Variants in DNAJB6 observed in about 807,000 individuals in gnomAD.
The protein encoded by DNAJB6 is DnaJ heat shock protein family (Hsp40) member B6.
Under a neutral mutation model 42.7 loss-of-function variants are expected in DNAJB6, and 16 were observed. The observed-to-expected ratio is 0.37, with a 90% CI of 0.25 to 0.57. The LOEUF (loss-of-function observed/expected upper bound fraction) is 0.57. Ranked by LOEUF, DNAJB6 falls within the 20% of genes least tolerant of loss-of-function variation. The pLI is 0.74. For synonymous variants in DNAJB6, 170 were observed against 163.5 expected, an observed-to-expected ratio of 1.04 and a Z score of -0.30; for missense variants, 347 against 416.8, an observed-to-expected ratio of 0.83 and a Z score of 1.46.
At chr7:157,368,981 G>T (rs1183755074) in intron 5 of DNAJB6, 1 of 343,678 alleles carries the variant, frequency 2.9e-6, no homozygotes, top group African/African-American at 2.2e-5. Flanking sequence ...GTTCTTCAGT[G>T]TGTCTCAAAT....
intron 1 of DNAJB6, among the ~76,000 whole-genome samples, chr7:157,339,660 G>T (rs1295242554): frequency 3.7e-5 from 5 of 136,772 alleles, no homozygotes; most frequent in African/African-American, 8.4e-5. Context: ...ATGGAGTTTA[G>T]CTCTTGCCCC....
intron 8 of DNAJB6, among the ~76,000 whole-genome samples, chr7:157,392,786 G>GT (rs1236893252): frequency 1.3e-5 from 2 of 152,106 alleles, no homozygotes; most frequent in African/African-American, 4.8e-5. Context: ...TTAACATCCT[G>GT]TTTTACGGAC....
chr7:157,405,175 A>T (rs1020529197), intron 8 of DNAJB6, among the ~76,000 whole-genome samples: 1 of 152,186 alleles, frequency 6.6e-6, no homozygotes, highest in East Asian at 1.9e-4. Flanking sequence ...TAAGAAGGTG[A>T]TGTGGCAGGA....
intron 8 of DNAJB6, among the ~76,000 whole-genome samples, chr7:157,390,611 G>A (rs995458746): frequency 6.6e-6 from 1 of 152,144 alleles, no homozygotes; most frequent in African/African-American, 2.4e-5. Context: ...GTGGGGTGGA[G>A]CCTCCTTCCT....
chr7:157,404,237 G>A (rs1795660349), intron 8 of DNAJB6, among the ~76,000 whole-genome samples: 2 of 151,646 alleles, frequency 1.3e-5, no homozygotes, highest in Admixed American at 1.3e-4. Context: ...GCCTCCCAAA[G>A]TGCTGGGATG....
At chr7:157,415,757 G>A (rs943740408) in intron 9 of DNAJB6, among the ~76,000 whole-genome samples, 8 of 152,184 alleles carry the variant, frequency 5.3e-5, no homozygotes, top group African/African-American at 1.9e-4. Flanking sequence ...TGGGCTTTTA[G>A]CTCTGCCGCT....
rs1798243937 is a variant in DNAJB6 at position 157,339,620 on chromosome 7, TGTGTGTGTGTGTGTGTGTGTGTGTGTGA to T, written c.-27+2478_-27+2505del. ...GGCCTTTTGTGTGTGTGTGTGTGTG[TGTGTGTGTGTGTGTGTGTGTGTGTGTGA>T]GATGGAGTTTAGCTCTTGCCCCTGC... On this transcript the variant is annotated intron_variant, in intron 1 of 9. Coordinates refer to ENST00000262177, the MANE Select transcript of DNAJB6 (RefSeq NM_058246.4). Among the ~76,000 whole-genome samples the T allele has an allele frequency of 5.7e-5, 6 of 105,592 alleles. No homozygotes were observed. The South Asian group carries it at 2.0e-3, about 36-fold the overall frequency. The allele number at this position is 105,592 out of a possible 152,430, so 69.3% of individuals were successfully genotyped here.
chr7:157,339,842 G>C (rs1049442260), intron 1 of DNAJB6: 3 of 152,200 alleles, frequency 2.0e-5, no homozygotes, highest in Non-Finnish European at 4.4e-5. Context: ...GTTCAGGCTG[G>C]TCTCGAACTC....
At chr7:157,339,232 G>A (rs1354301831) in intron 1 of DNAJB6, among the ~76,000 whole-genome samples, 1 of 140,752 alleles carries the variant, frequency 7.1e-6, no homozygotes, top group Non-Finnish European at 1.5e-5. Context: ...CTTCAACCTA[G>A]ATAACCTAAA....
chr7:157,355,697 G>A (rs375317467), intron 1 of DNAJB6, among the ~76,000 whole-genome samples: 10 of 152,310 alleles, frequency 6.6e-5, no homozygotes, highest in East Asian at 3.9e-4. Context: ...CAGGAGGAGC[G>A]CAGAGGTGAG....
rs573949224 is a variant in DNAJB6, at chr7:157,392,899, T to C, written c.691+7288T>C. ...TGTGTGTGTTTTCTGTTCTAACTTATGGAAAACCAGGAAGTCGGTACGCCT... is the reference window on the plus strand; with the variant it reads ...TGTGTGTGTTTTCTGTTCTAACTTACGGAAAACCAGGAAGTCGGTACGCCT... On this transcript the variant is annotated intron_variant, in intron 8 of 9. Coordinates refer to ENST00000262177, the MANE Select transcript of DNAJB6 (RefSeq NM_058246.4). Among the ~76,000 whole-genome samples, 73 of 152,360 alleles carry C rather than the reference T, an allele frequency of 4.8e-4. 1 individual carries two copies. The highest frequency in any genetic ancestry group is 7.5e-4 in the African/African-American group (31 of 41,578).
chr7:157,340,932 C>T (rs1172552601), intron 1 of DNAJB6, among the ~76,000 whole-genome samples: 1 of 151,204 alleles, frequency 6.6e-6, no homozygotes, highest in Non-Finnish European at 1.5e-5. Context: ...TCCCAAAGTG[C>T]TGGGATTACA....
At chr7:157,389,712 G>A (rs1801248538) in intron 8 of DNAJB6, among the ~76,000 whole-genome samples, 1 of 152,168 alleles carries the variant, frequency 6.6e-6, no homozygotes, top group Non-Finnish European at 1.5e-5. Context: ...TGTTTAAAAA[G>A]GTGAAAAGAG....
In DNAJB6 at chr7:157,415,894, T is replaced by C. The variant is rs1796096438; in HGVS notation, c.899-122T>C. On this transcript the variant is annotated intron_variant, in intron 9 of 9. Coordinates refer to ENST00000262177, the MANE Select transcript of DNAJB6 (RefSeq NM_058246.4). ...TTTTGAGGTTTAGCTGTGGCCAAGA[T>C]AGATGACTTCATTTTGTTGCTTTTT... The C allele has an allele frequency of 3.8e-6, 6 of 1,565,474 alleles. No homozygotes were observed. The Admixed American group carries it at 5.2e-5, about 14-fold the overall frequency.
intron 6 of DNAJB6, 79 bp from the exon 7 acceptor site, chr7:157,384,788 A>G (rs1404247318): frequency 7.2e-7 from 1 of 1,391,990 alleles, no homozygotes; most frequent in African/African-American, 1.4e-5. Context: ...ATATTCTGCT[A>G]CTGAACTTTC....
chr7:157,410,045 T>C (rs1277711284), intron 9 of DNAJB6, 44 bp downstream of exon 9: 1 of 1,487,862 alleles, frequency 6.7e-7, no homozygotes, highest in Admixed American at 2.1e-5. Context: ...AGAGTGAGAC[T>C]TCTCTGGGTG....
At chr7:157,397,845 T>C (rs1471902603) in intron 8 of DNAJB6, among the ~76,000 whole-genome samples, 1 of 152,256 alleles carries the variant, frequency 6.6e-6, no homozygotes, top group African/African-American at 2.4e-5. Flanking sequence ...AGCAAGTCAC[T>C]GTCCTGTTTA....
intron 1 of DNAJB6, among the ~76,000 whole-genome samples, chr7:157,357,601 C>T (rs950953302): frequency 5.9e-5 from 9 of 151,930 alleles, no homozygotes; most frequent in African/African-American, 9.7e-5. Flanking sequence ...GTGAGCCACG[C>T]GCCCGGCTGT....
intron 8 of DNAJB6, among the ~76,000 whole-genome samples, chr7:157,402,050 G>A (rs770539567): frequency 4.6e-5 from 7 of 152,224 alleles, no homozygotes; most frequent in South Asian, 2.1e-4. Flanking sequence ...CTGTGGCTTC[G>A]GTTCTTCAGG....
Sources: gnomAD v4.1 joint callset for allele counts (sites outside exome capture counted in the v4.1 genomes callset) on GRCh38, gnomAD v4.1.1 for gene constraint, MANE v1.5 for transcripts, NCBI Gene and HGNC (gene_info 2026-07-23, HGNC 2026-07-21) for gene names.